BANF1: variants seen among roughly 807,000 people sequenced by gnomAD.
The protein encoded by BANF1 is barrier to autointegration nuclear assembly factor 1, also known as barrier-to-autointegration factor.
For missense variants in BANF1, 47 were observed against 110.4 expected (o/e 0.43, Z 2.57); for synonymous variants, 49 against 43.7 (o/e 1.12, Z -0.48).
chr11:66,003,440 G>A, intron 2 of BANF1, 67 bp downstream of exon 2: 2 of 1,611,422 alleles, frequency 1.2e-6, no homozygotes, highest in East Asian at 2.2e-5. Context: ...ATCTGCTGGG[G>A]GATGGACAGT....
rs998317304 is a variant in BANF1, at chr11:66,003,700, T to C, written c.198T>C (p.Thr66=). Residue 66 remains threonine (T), a synonymous_variant, in exon 3 of 3, where the codon ACT becomes ACC. Transcript: ENST00000312175. The part of the protein sequence containing the change: ...EDLFREWLKD[T]CGANAKQSRD... ...TCTTCCGGGAATGGCTGAAAGACACTTGTGGCGCCAACGCCAAGCAGTCCC... is the reference window on the plus strand; with the variant it reads ...TCTTCCGGGAATGGCTGAAAGACACCTGTGGCGCCAACGCCAAGCAGTCCC... 2.5e-6 allele frequency: 4 copies of C among 1,614,018 alleles called. No homozygotes were observed. Among genetic ancestry groups the C allele is most frequent in the African/African-American group, 1.3e-5 (1 of 74,890 alleles).
At position 66,003,733 on chromosome 11, in the gene BANF1, C is replaced by T; in HGVS notation, c.231C>T (p.Cys77=). The T allele has an allele frequency of 6.2e-7, 1 of 1,614,136 alleles. No individual in the cohort carries two copies. Among genetic ancestry groups the T allele is most frequent in the Non-Finnish European group, 8.5e-7 (1 of 1,180,026 alleles). Residue 77 remains cysteine, a synonymous_variant, in exon 3 of 3, where the codon TGC becomes TGT. Coordinates refer to ENST00000312175, the MANE Select transcript of BANF1 (RefSeq NM_003860.4). The part of the protein sequence containing the change: ...CGANAKQSRD[C]FGCLREWCDA... The stretch of plus-strand genomic sequence containing the variant: ...CCAACGCCAAGCAGTCCCGGGACTG[C>T]TTCGGATGCCTTCGAGAGTGGTGCG...
intron 1 of BANF1, chr11:66,002,964 G>A: frequency 2.2e-6 from 1 of 446,514 alleles, no homozygotes; most frequent in Non-Finnish European, 4.1e-6. Context: ...ACGGACTCTG[G>A]GCATCTTTCC....
At position 66,004,108 on chromosome 11, in the gene BANF1, T is replaced by C. The variant is rs1856080457; in HGVS notation, c.*336T>C. Reference sequence around the variant, plus strand: ...TTTTTTGGCAGAACAGTCACTGTCCTTGTAAAGTTTTTTAGATCAATAAAG... The same window carrying C: ...TTTTTTGGCAGAACAGTCACTGTCCCTGTAAAGTTTTTTAGATCAATAAAG... On this transcript the variant is annotated 3_prime_UTR_variant, in exon 3 of 3. Transcript: ENST00000312175. 4 of 368,922 alleles carry C rather than the reference T, an allele frequency of 1.1e-5. No individual in the cohort carries two copies. The highest frequency in any genetic ancestry group is 2.1e-5 in the African/African-American group (1 of 47,490). The allele number at this position is 368,922 out of a possible 1,614,324, so 22.9% of individuals were successfully genotyped here.
At position 66,003,616 on chromosome 11, in the gene BANF1, T is replaced by C. The variant is rs377026745; in HGVS notation, c.124-10T>C. 6.2e-7 allele frequency: 1 copy of C among 1,614,076 alleles called. No homozygotes were observed. On this transcript the variant is annotated splice_polypyrimidine_tract_variant and intron_variant, in intron 2 of 2. Transcript: ENST00000312175. ...GAGCAGCACGCTCCTTCCTTTTCCC[T>C]GTTTTGCAGGCCTATGTTGTCCTTG...
At position 66,003,206 on chromosome 11, in the gene BANF1, C is replaced by T. The variant is rs771552367; in HGVS notation, c.-16-29C>T. 1.6e-5 allele frequency: 26 copies of T among 1,611,144 alleles called. 1 individual carries two copies. In the South Asian group the frequency reaches 2.8e-4, roughly 17 times the overall value. On this transcript the variant is annotated intron_variant, in intron 1 of 2. Coordinates refer to ENST00000312175, the MANE Select transcript of BANF1 (RefSeq NM_003860.4). Reference sequence around the variant, plus strand: ...CCTTAGAAGTTCCAGGTCTTCAGCCCTAATCTGCCTTTTTTTTGGGATTCC... The same window carrying T: ...CCTTAGAAGTTCCAGGTCTTCAGCCTTAATCTGCCTTTTTTTTGGGATTCC...
Position 66,003,561 on chromosome 11 carries a change from C to T in BANF1, c.124-65C>T, listed in dbSNP as rs913525858. On this transcript the variant is annotated intron_variant, in intron 2 of 2. Transcript: ENST00000312175. ...TGTGCTCTGAATGGCACAGGAATGGCTGTCTTGCTCTTATCTCTCACTGAG... is the reference window on the plus strand; with the variant it reads ...TGTGCTCTGAATGGCACAGGAATGGTTGTCTTGCTCTTATCTCTCACTGAG... 1.1e-5 allele frequency: 18 copies of T among 1,606,056 alleles called. No homozygotes were observed. The African/African-American group carries it at 1.5e-4, about 13-fold the overall frequency.
chr11:66,003,690 T>C lies in BANF1; in HGVS notation c.188T>C (p.Leu63Pro), dbSNP rs745344998. The change falls in exon 3 of 3, where the codon CTG becomes CCG. Residue 63 changes from leucine (L) to proline (P), a missense_variant. Physicochemically the swap from Leu to Pro is moderately conservative, Grantham distance 98. Transcript: ENST00000312175. ...GATGAAGACCTCTTCCGGGAATGGC[T>C]GAAAGACACTTGTGGCGCCAACGCC... ...KKDEDLFREW[L>P]KDTCGANAKQ... 6.2e-7 allele frequency: 1 copy of C among 1,614,134 alleles called. No individual in the cohort carries two copies. Among genetic ancestry groups the C allele is most frequent in the African/African-American group, 1.3e-5 (1 of 75,010 alleles).
At chr11:66,003,431 T>C (rs1477804517) in intron 2 of BANF1, 58 bp downstream of exon 2, 1 of 1,612,796 alleles carries the variant, frequency 6.2e-7, no homozygotes, top group African/African-American at 1.3e-5. Flanking sequence ...AGTGATTCCA[T>C]CTGCTGGGGG....
rs1268152483 is a variant in BANF1 at position 66,003,800 on chromosome 11, G to A, written c.*28G>A. On this transcript the variant is annotated 3_prime_UTR_variant, in exon 3 of 3. Transcript: ENST00000312175. ...CTCTCTGGGAAGCTCTCAATCCCCA[G>A]CCCTCATCCAGAGTTTGCAGCCGAG... 4 of 1,613,572 alleles carry A rather than the reference G, an allele frequency of 2.5e-6. No individual in the cohort carries two copies. Among genetic ancestry groups the A allele is most frequent in the Non-Finnish European group, 3.4e-6 (4 of 1,179,932 alleles).
chr11:66,003,319 G>T lies in BANF1; in HGVS notation c.69G>T (p.Leu23=). ...EPMGEKPVGS[L]AGIGEVLGKK... Reference sequence around the variant, plus strand: ...TGGGGGAGAAGCCAGTGGGGAGCCTGGCTGGGATTGGTGAAGTCCTGGGCA... The same window carrying T: ...TGGGGGAGAAGCCAGTGGGGAGCCTTGCTGGGATTGGTGAAGTCCTGGGCA... Residue 23 remains leucine, a synonymous_variant, in exon 2 of 3, where the codon CTG becomes CTT. Coordinates refer to ENST00000312175, the MANE Select transcript of BANF1 (RefSeq NM_003860.4). 1 of 1,613,784 alleles carries T rather than the reference G, an allele frequency of 6.2e-7. No individual in the cohort carries two copies. Among genetic ancestry groups the T allele is most frequent in the South Asian group, 1.1e-5 (1 of 91,060 alleles).
intron 2 of BANF1, 49 bp from the exon 3 acceptor site, chr11:66,003,577 T>C (rs746696782): frequency 1.3e-6 from 2 of 1,584,064 alleles, no homozygotes; most frequent in African/African-American, 2.8e-5. Flanking sequence ...TGCTCTTATC[T>C]CTCACTGAGC....
chr11:66,003,196 G>C, intron 1 of BANF1, 39 bp from the exon 2 acceptor site: 5 of 1,609,262 alleles, frequency 3.1e-6, no homozygotes, highest in Non-Finnish European at 4.2e-6. Flanking sequence ...GAAGTTCCAG[G>C]TCTTCAGCCC....
Position 66,003,672 on chromosome 11 carries a change from A to T in BANF1, c.170A>T (p.Asp57Val). 6.2e-7 allele frequency: 1 copy of T among 1,613,572 alleles called. No homozygotes were observed. Among genetic ancestry groups the T allele is most frequent in the Non-Finnish European group, 8.5e-7 (1 of 1,179,874 alleles). The change falls in exon 3 of 3, where the codon GAC becomes GTC. Residue 57 changes from aspartate to valine, a missense_variant. Transcript: ENST00000312175. ...TTTCTGGTGCTAAAGAAAGATGAAG[A>T]CCTCTTCCGGGAATGGCTGAAAGAC... ...GQFLVLKKDE[D>V]LFREWLKDTC...
intron 2 of BANF1, 48 bp downstream of exon 2, chr11:66,003,421 A>G: frequency 1.2e-6 from 2 of 1,613,038 alleles, no homozygotes; most frequent in Non-Finnish European, 1.7e-6. Context: ...GTGGAAGGGA[A>G]GTGATTCCAT....
chr11:66,003,535 G>A lies in BANF1; in HGVS notation c.124-91G>A, dbSNP rs186931511. ...AAAACCCGCGCTGCTTCCTGGGCTT[G>A]TGTGCTCTGAATGGCACAGGAATGG... is the stretch of plus-strand genomic sequence containing the variant. On this transcript the variant is annotated intron_variant, in intron 2 of 2. Coordinates refer to ENST00000312175, the MANE Select transcript of BANF1 (RefSeq NM_003860.4). The A allele has an allele frequency of 1.5e-3, 2,483 of 1,611,574 alleles. 33 individuals carry two copies. In the African/African-American group the frequency reaches 0.029, roughly 19 times the overall value.
chr11:66,002,940 G>A (rs1055828851), intron 1 of BANF1: 1 of 407,636 alleles, frequency 2.5e-6, no homozygotes, highest in Non-Finnish European at 4.6e-6. Context: ...GATAGCTTCC[G>A]CGCAGCCCTG....
Position 66,003,589 on chromosome 11 carries a change from C to T in BANF1, c.124-37C>T, listed in dbSNP as rs376639113. On this transcript the variant is annotated intron_variant, in intron 2 of 2. Coordinates refer to ENST00000312175, the MANE Select transcript of BANF1 (RefSeq NM_003860.4). ...TCTTGCTCTTATCTCTCACTGAGCACTGAGCAGCACGCTCCTTCCTTTTCC... is the reference window on the plus strand; with the variant it reads ...TCTTGCTCTTATCTCTCACTGAGCATTGAGCAGCACGCTCCTTCCTTTTCC... 17 of 1,374,250 alleles carry T rather than the reference C, an allele frequency of 1.2e-5. No homozygotes were observed. The African/African-American group carries it at 1.3e-4, about 11-fold the overall frequency. 85.1% of individuals were successfully genotyped at this position (1,374,250 alleles called of 1,614,324 possible).
intron 2 of BANF1, 61 bp from the exon 3 acceptor site, chr11:66,003,565 C>G (rs1378699543): frequency 8.1e-6 from 13 of 1,597,512 alleles, no homozygotes; most frequent in Middle Eastern, 3.3e-4. Context: ...GAATGGCTGT[C>G]TTGCTCTTAT....
Sources: allele counts gnomAD v4.1 joint callset, GRCh38; gene constraint gnomAD v4.1.1; transcripts MANE v1.5; gene names NCBI Gene and HGNC (gene_info 2026-07-23, HGNC 2026-07-21).